The following NRXN3 variants were observed in gnomAD, a reference collection of about 807,000 sequenced individuals.
NRXN3 encodes neurexin III.
In NRXN3, 32 loss-of-function variants were observed where a neutral mutation model predicts 137.6. That is an observed-to-expected ratio of 0.23 (90% CI 0.18 to 0.31). The LOEUF (loss-of-function observed/expected upper bound fraction) is 0.31. Ranked by LOEUF, NRXN3 falls within the 10% of genes least tolerant of loss-of-function variation. NRXN3 has a pLI of 1.00. For synonymous variants in NRXN3, 798 were observed against 784.5 expected (o/e 1.02, Z -0.29); for missense variants, 1,574 against 2,062.5 (o/e 0.76, Z 4.59).
At chr14:78,217,639 T>C (rs2063425225) in intron 1 of NRXN3, among the ~76,000 whole-genome samples, 1 of 152,216 alleles carries the variant, frequency 6.6e-6, no homozygotes, top group Non-Finnish European at 1.5e-5. Flanking sequence ...TGTGCATGAG[T>C]ATTCTCTTAA....
At chr14:78,380,750 A>G (rs1243836206) in intron 4 of NRXN3, among the ~76,000 whole-genome samples, 1 of 151,578 alleles carries the variant, frequency 6.6e-6, no homozygotes, top group Non-Finnish European at 1.5e-5. Context: ...CACAGACACT[A>G]ATACACAGGT....
intron 16 of NRXN3, among the ~76,000 whole-genome samples, chr14:79,638,352 T>C (rs1319405216): frequency 6.6e-6 from 1 of 152,196 alleles, no homozygotes; most frequent in East Asian, 1.9e-4. Context: ...TTTCTACTTA[T>C]GTGATCTTAT....
At chr14:78,254,694 G>T (rs111335007) in intron 2 of NRXN3, among the ~76,000 whole-genome samples, 51 of 131,544 alleles carry the variant, frequency 3.9e-4, no homozygotes, top group Middle Eastern at 8.1e-3. Flanking sequence ...AAAAAAAAAA[G>T]ATTGGAAGTT....
At chr14:78,390,657 C>T (rs79443725) in intron 4 of NRXN3, among the ~76,000 whole-genome samples, 7,589 of 152,194 alleles carry the variant, frequency 0.05, 401 homozygotes, top group East Asian at 0.27. Context: ...CTTCTCTCTA[C>T]GATCCTAAGC....
intron 4 of NRXN3, among the ~76,000 whole-genome samples, chr14:78,315,610 G>T (rs1222560911): frequency 6.6e-6 from 1 of 152,174 alleles, no homozygotes; most frequent in Non-Finnish European, 1.5e-5. Context: ...GATTTTTGTT[G>T]TAGTTCTTGT....
At position 78,645,322 on chromosome 14, in the gene NRXN3, C is replaced by T; in HGVS notation, c.960C>T (p.Asn320=). 1 of 1,598,862 alleles carries T rather than the reference C, an allele frequency of 6.3e-7. No homozygotes were observed. Among genetic ancestry groups the T allele is most frequent in the Non-Finnish European group, 8.5e-7 (1 of 1,179,740 alleles). The change falls in exon 5 of 21, where the codon AAC becomes AAT. Residue 320 remains asparagine, a synonymous_variant. Coordinates refer to ENST00000335750, the MANE Select transcript of NRXN3 (RefSeq NM_001330195.2). ...LKDGAVSLVI[N]LGSGAFEAIV... ...ATGGTGCGGTCTCCTTGGTCATTAA[C>T]CTGGGGTCCGGGGCCTTTGAGGCCA...
intron 4 of NRXN3, among the ~76,000 whole-genome samples, chr14:78,464,458 A>G (rs2095036814): frequency 6.6e-6 from 1 of 152,194 alleles, no homozygotes; most frequent in Admixed American, 6.5e-5. Flanking sequence ...AGAATCATAT[A>G]GGTGAGAGAA....
chr14:78,248,312 C>CCCCCG (rs2068041631), intron 2 of NRXN3, among the ~76,000 whole-genome samples: 1 of 47,140 alleles, frequency 2.1e-5, no homozygotes, highest in Non-Finnish European at 5.6e-5. Context: ...GCCCCCCCCC[C>CCCCCG]CCCCACCCGC....
intron 8 of NRXN3, among the ~76,000 whole-genome samples, chr14:78,720,590 T>C (rs1047585226): frequency 1.3e-5 from 2 of 152,198 alleles, no homozygotes; most frequent in African/African-American, 4.8e-5. Flanking sequence ...ATTCAATCTA[T>C]CTCAGCAAGT....
intron 4 of NRXN3, among the ~76,000 whole-genome samples, chr14:78,481,698 A>G (rs1386533445): frequency 6.6e-6 from 1 of 152,186 alleles, no homozygotes; most frequent in Non-Finnish European, 1.5e-5. Flanking sequence ...AAGCCTTTTT[A>G]TCTTCATACC....
At chr14:78,517,113 T>A (rs962518139) in intron 4 of NRXN3, among the ~76,000 whole-genome samples, 1 of 152,156 alleles carries the variant, frequency 6.6e-6, no homozygotes, top group East Asian at 1.9e-4. Context: ...TCCAAATCAT[T>A]TGTTTTTTCA....
intron 4 of NRXN3, among the ~76,000 whole-genome samples, chr14:78,620,551 G>A (rs1370457963): frequency 1.3e-5 from 2 of 152,214 alleles, no homozygotes; most frequent in Non-Finnish European, 2.9e-5. Context: ...GACAAAACAG[G>A]CAGACCCTCA....
At chr14:78,344,395 T>C (rs1209631850) in intron 4 of NRXN3, among the ~76,000 whole-genome samples, 1 of 152,212 alleles carries the variant, frequency 6.6e-6, no homozygotes, top group Non-Finnish European at 1.5e-5. Flanking sequence ...TTCTCTCACA[T>C]GACAACATTT....
chr14:78,972,084 G>C (rs920850846), intron 14 of NRXN3, among the ~76,000 whole-genome samples: 4 of 152,102 alleles, frequency 2.6e-5, no homozygotes, highest in Non-Finnish European at 5.9e-5. Context: ...GTTGTAACTT[G>C]ATACCTCTCA....
intron 4 of NRXN3, among the ~76,000 whole-genome samples, chr14:78,398,350 G>A (rs1396553852): frequency 6.6e-6 from 1 of 152,014 alleles, no homozygotes; most frequent in African/African-American, 2.4e-5. Context: ...TTGAAACCTG[G>A]ACACTTTGGT....
At chr14:78,743,379 T>C (rs896697844) in intron 8 of NRXN3, among the ~76,000 whole-genome samples, 3 of 152,226 alleles carry the variant, frequency 2.0e-5, no homozygotes, top group African/African-American at 7.2e-5. Context: ...TATTCTATAA[T>C]ACTGCCAATC....
At chr14:78,788,119 G>A (rs1408587889) in intron 8 of NRXN3, among the ~76,000 whole-genome samples, 1 of 152,174 alleles carries the variant, frequency 6.6e-6, no homozygotes, top group Non-Finnish European at 1.5e-5. Flanking sequence ...ATGCCCGTGA[G>A]TAGTGGAGCT....
chr14:78,576,940 C>A (rs1248501451), intron 4 of NRXN3, among the ~76,000 whole-genome samples: 1 of 152,166 alleles, frequency 6.6e-6, no homozygotes, highest in African/African-American at 2.4e-5. Flanking sequence ...TTTAGTCTTG[C>A]TGATTCTGGG....
intron 5 of NRXN3, chr14:78,649,303 A>G (rs1040090805): frequency 3.7e-6 from 5 of 1,341,414 alleles, no homozygotes; most frequent in South Asian, 2.4e-5. Flanking sequence ...TAAACAAACT[A>G]CATTGTCTGG....
Sources: gnomAD v4.1 joint callset for allele counts (sites outside exome capture counted in the v4.1 genomes callset) on GRCh38, gnomAD v4.1.1 for gene constraint, MANE v1.5 for transcripts, NCBI Gene and HGNC (gene_info 2026-07-23, HGNC 2026-07-21) for gene names.